Variants in CHM observed in about 807,000 individuals in gnomAD.
The protein encoded by CHM is CHM Rab escort protein, also known as rab proteins geranylgeranyltransferase component A 1.
Under a neutral mutation model 49.0 loss-of-function variants are expected in CHM, and 10 were observed. The ratio of observed to expected loss-of-function variants is 0.20; its 90% CI spans 0.13 to 0.35. The LOEUF (loss-of-function observed/expected upper bound fraction) is 0.35, where lower values mean the gene tolerates loss of function less well. Among genes scored for constraint, CHM ranks in the 10% least tolerant of loss-of-function variants. CHM has a pLI of 1.00. For synonymous variants in CHM, 184 were observed against 167.5 expected, an observed-to-expected ratio of 1.10 and a Z score of -0.76; for missense variants, 455 against 478.4, an observed-to-expected ratio of 0.95 and a Z score of 0.46.
Position 85,879,049 on chromosome X carries a change from T to C in CHM, c.1525A>G (p.Thr509Ala). 8.4e-7 allele frequency: 1 copy of C among 1,187,403 alleles called. No homozygotes were observed. Among genetic ancestry groups the C allele is most frequent in the Non-Finnish European group, 1.1e-6 (1 of 875,630 alleles). The change falls in exon 13 of 15, where the codon ACT becomes GCT. Residue 509 changes from threonine to alanine, a missense_variant. By Grantham distance (58) the Thr-to-Ala change is moderately conservative. Transcript: ENST00000357749. ...CTTGCTGTTTTAGAAGATGTGCAAG[T>C]CAAATGAACCAAATCTGTTAAAAAA... is the stretch of plus-strand genomic sequence containing the variant. Reference protein sequence around the residue: ...CMKGTYLVHLTCTSSKTARED... With the variant: ...CMKGTYLVHLACTSSKTARED...
At chrX:85,938,125 G>GA (rs1181605055) in intron 8 of CHM, among the ~76,000 whole-genome samples, 2 of 111,495 alleles carry the variant, frequency 1.8e-5, no homozygotes, top group Non-Finnish European at 3.8e-5. Context: ...GAATAACCTG[G>GA]AAAAAAATGA....
At chrX:85,998,993 T>G (rs1932574870) in intron 2 of CHM, among the ~76,000 whole-genome samples, 1 of 111,013 alleles carries the variant, frequency 9.0e-6, no homozygotes, top group Non-Finnish European at 1.9e-5. Context: ...GAAAAAAAGG[T>G]TTTTTTCAAA....
At chrX:85,954,893 C>CAAAAAAA (rs768276965) in intron 8 of CHM, among the ~76,000 whole-genome samples, 1 of 83,326 alleles carries the variant, frequency 1.2e-5, no homozygotes. Context: ...CTCCATCTCC[C>CAAAAAAA]AAAAAAAAAA....
intron 8 of CHM, among the ~76,000 whole-genome samples, chrX:85,912,171 T>C (rs1330669994): frequency 9.0e-6 from 1 of 111,409 alleles, no homozygotes; most frequent in East Asian, 2.8e-4. Flanking sequence ...TTTGAAATTA[T>C]ACCACTATAT....
chrX:85,883,718 T>C (rs1221274099), intron 12 of CHM, among the ~76,000 whole-genome samples: 2 of 111,246 alleles, frequency 1.8e-5, no homozygotes, highest in South Asian at 3.8e-4. Context: ...AAAAGGTATA[T>C]AGCATTTTAA....
At chrX:85,978,919 A>C in intron 3 of CHM, 28 bp from the exon 4 acceptor site, 2 of 1,189,505 alleles carry the variant, frequency 1.7e-6, no homozygotes, top group Non-Finnish European at 2.3e-6. Context: ...AAGAAGTTTT[A>C]ATCAAAGTGG....
chrX:86,036,916 A>C (rs1361997126), intron 1 of CHM, among the ~76,000 whole-genome samples: 1 of 110,945 alleles, frequency 9.0e-6, no homozygotes, highest in African/African-American at 3.3e-5. Context: ...GTGGAGGGTT[A>C]CTTTATTCTA....
chrX:86,013,733 C>CAAAAAAAAAAAAG (rs71988543), intron 2 of CHM, among the ~76,000 whole-genome samples: 39 of 78,486 alleles, frequency 5.0e-4, no homozygotes, highest in Non-Finnish European at 7.3e-4. Context: ...GACTTCGTCT[C>CAAAAAAAAAAAAG]AAAAAAAAAA....
intron 8 of CHM, among the ~76,000 whole-genome samples, chrX:85,926,797 A>AT (rs1928110671): frequency 9.0e-6 from 1 of 111,349 alleles, no homozygotes; most frequent in Non-Finnish European, 1.9e-5. Flanking sequence ...TTTAATAGAG[A>AT]TTTTTTAATA....
chrX:85,923,014 A>T (rs1364020059), intron 8 of CHM, among the ~76,000 whole-genome samples: 2 of 111,849 alleles, frequency 1.8e-5, no homozygotes, highest in African/African-American at 6.5e-5. Flanking sequence ...AATCAAAATT[A>T]CTAGGTCACT....
chrX:85,967,377 C>T (rs1930637269), intron 4 of CHM, among the ~76,000 whole-genome samples: 1 of 112,185 alleles, frequency 8.9e-6, no homozygotes, highest in Admixed American at 9.5e-5. Context: ...AACACATTTA[C>T]CAATTACAAA....
Position 85,963,629 on chromosome X carries a change from G to C in CHM, c.702+36C>G, listed in dbSNP as rs767691959. 20 of 1,162,954 alleles carry C rather than the reference G, an allele frequency of 1.7e-5. No individual in the cohort carries two copies. In the South Asian group the frequency reaches 3.1e-4, roughly 18 times the overall value. ...AACTGGGTTTATGGGCCCAGATACT[G>C]TTTTCAATGCAAAGATGGGTAAAAT... On this transcript the variant is annotated intron_variant, in intron 5 of 14. Transcript: ENST00000357749.
Position 85,965,815 on chromosome X carries a change from T to A in CHM, c.315-1763A>T, listed in dbSNP as rs12842087. Among the ~76,000 whole-genome samples the A allele has an allele frequency of 0.28, 30,731 of 110,278 alleles. 3,567 individuals carry two copies. Among genetic ancestry groups the A allele is most frequent in the Admixed American group, 0.39 (4,036 of 10,333 alleles). ...AATCTAGTGAAGAAACAAATTGATA[T>A]CATTAATGTTACATGAATATTTTTG... On this transcript the variant is annotated intron_variant, in intron 4 of 14. Coordinates refer to ENST00000357749, the MANE Select transcript of CHM (RefSeq NM_000390.4).
At chrX:85,980,484 C>A (rs1261578622) in intron 3 of CHM, among the ~76,000 whole-genome samples, 2 of 112,093 alleles carry the variant, frequency 1.8e-5, no homozygotes, top group Non-Finnish European at 3.8e-5. Flanking sequence ...TCATGAGAGG[C>A]ACTTTTTGAG....
intron 8 of CHM, among the ~76,000 whole-genome samples, chrX:85,942,574 GC>G (rs1160005199): frequency 9.0e-6 from 1 of 110,907 alleles, no homozygotes; most frequent in Non-Finnish European, 1.9e-5. Flanking sequence ...CTGCAGTGCT[GC>G]AAAAGGATAG....
At chrX:86,024,907 G>A (rs967668772) in intron 2 of CHM, among the ~76,000 whole-genome samples, 4 of 111,291 alleles carry the variant, frequency 3.6e-5, no homozygotes, top group African/African-American at 1.3e-4. Flanking sequence ...TACATTTTGA[G>A]GTGAGAATGG....
At chrX:85,940,601 C>T (rs139105232) in intron 8 of CHM, among the ~76,000 whole-genome samples, 1,495 of 95,317 alleles carry the variant, frequency 0.016, 37 homozygotes, top group African/African-American at 0.054. Context: ...CAGCCCTTTC[C>T]CCAACACAGA....
intron 2 of CHM, among the ~76,000 whole-genome samples, chrX:86,014,711 C>G (rs748308936): frequency 8.9e-6 from 1 of 111,892 alleles, no homozygotes; most frequent in East Asian, 2.8e-4. Flanking sequence ...ATAGGCCAGG[C>G]ACGGTGGCTC....
chrX:86,039,532 A>G (rs1934378509), intron 1 of CHM, among the ~76,000 whole-genome samples: 1 of 106,327 alleles, frequency 9.4e-6, no homozygotes, highest in East Asian at 2.9e-4. Flanking sequence ...AAAAAAAAAG[A>G]CAGGTGAGAA....
Sources: allele counts gnomAD v4.1 joint callset (sites outside exome capture counted in the v4.1 genomes callset), GRCh38; gene constraint gnomAD v4.1.1; transcripts MANE v1.5; gene names NCBI Gene and HGNC (gene_info 2026-07-23, HGNC 2026-07-21).